Variants in SH2D4A observed in about 807,000 individuals in gnomAD.
SH2D4A encodes SH2 domain containing 4A.
SH2D4A carries 70 observed loss-of-function variants against 64.7 expected under a neutral mutation model. The ratio of observed to expected loss-of-function variants is 1.08; its 90% confidence interval spans 0.89 to 1.32. The LOEUF (loss-of-function observed/expected upper bound fraction) is 1.32, where lower values mean the gene tolerates loss of function less well. Among genes scored for constraint, SH2D4A ranks in the 40% most tolerant of loss-of-function variants. The probability of loss-of-function intolerance (pLI) is 0.00; values close to 1 mark genes in which losing one functional copy is unlikely to be tolerated. For missense variants in SH2D4A, 706 were observed against 540.1 expected, an observed-to-expected ratio of 1.31 and a Z score of -3.04; for synonymous variants, 268 against 200.7, an observed-to-expected ratio of 1.34 and a Z score of -2.83.
chr8:19,325,378 A>G (rs1310460407), intron 2 of SH2D4A, among the ~76,000 whole-genome samples: 1 of 152,218 alleles, frequency 6.6e-6, no homozygotes, highest in Non-Finnish European at 1.5e-5. Context: ...ATTGTTACAA[A>G]TAAGGAAACA....
chr8:19,364,205 GCAGAAAC>G lies in SH2D4A; in HGVS notation c.847_853del (p.Pro283AspfsTer11). On this transcript the variant is annotated frameshift_variant, in exon 7 of 10. Transcript: ENST00000265807. LOFTEE classifies it high-confidence loss of function. ...GGCTGCAAAGCCCCTTGCGTGTTCC[GCAGAAAC>G]CAGAAAGACCTCCCCTTCCACCCAA... 6.2e-7 allele frequency: 1 copy of G among 1,614,156 alleles called. No individual in the cohort carries two copies. The highest frequency in any genetic ancestry group is 2.2e-5 in the East Asian group (1 of 44,874).
At chr8:19,374,925 T>C (rs1050464056) in intron 8 of SH2D4A, among the ~76,000 whole-genome samples, 2 of 152,224 alleles carry the variant, frequency 1.3e-5, no homozygotes, top group Non-Finnish European at 2.9e-5. Flanking sequence ...TTGTAGTTTC[T>C]GTATCTTTGG....
At chr8:19,350,808 TA>T (rs2052691160) in intron 4 of SH2D4A, among the ~76,000 whole-genome samples, 1 of 152,194 alleles carries the variant, frequency 6.6e-6, no homozygotes, top group Non-Finnish European at 1.5e-5. Context: ...ACATGTGCCA[TA>T]AAATCTCACA....
At chr8:19,373,446 A>ATATG (rs2053140435) in intron 7 of SH2D4A, 84 bp from the exon 8 acceptor site, 6 of 389,394 alleles carry the variant, frequency 1.5e-5, no homozygotes, top group Admixed American at 5.1e-5. Flanking sequence ...GTGTGTGTGT[A>ATATG]TATATATATA....
At chr8:19,351,913 A>G (rs1006838810) in intron 4 of SH2D4A, among the ~76,000 whole-genome samples, 2 of 152,018 alleles carry the variant, frequency 1.3e-5, no homozygotes, top group Admixed American at 1.3e-4. Flanking sequence ...CCTCCTGAGT[A>G]GCTGCGATTA....
intron 7 of SH2D4A, among the ~76,000 whole-genome samples, chr8:19,367,967 C>G (rs1296773596): frequency 6.6e-6 from 1 of 152,024 alleles, no homozygotes; most frequent in Non-Finnish European, 1.5e-5. Flanking sequence ...AAGTGTTTCC[C>G]CAGTATTTTC....
At chr8:19,323,222 A>G (rs1585144679) in intron 2 of SH2D4A, among the ~76,000 whole-genome samples, 1 of 152,040 alleles carries the variant, frequency 6.6e-6, no homozygotes, top group Admixed American at 6.6e-5. Flanking sequence ...GCTAGTCTGG[A>G]TTGAGGTGTG....
chr8:19,331,097 C>G (rs1221962370), intron 2 of SH2D4A, among the ~76,000 whole-genome samples: 1 of 152,154 alleles, frequency 6.6e-6, no homozygotes, highest in Non-Finnish European at 1.5e-5. Flanking sequence ...CCCAGCGTCT[C>G]TGTTTAGAAC....
chr8:19,334,601 A>C (rs1395070221), intron 3 of SH2D4A, 85 bp from the exon 4 acceptor site: 64 of 1,435,618 alleles, frequency 4.5e-5, no homozygotes, highest in Non-Finnish European at 5.7e-5. Flanking sequence ...TGTTTTTCAC[A>C]TAATTTGAAT....
At chr8:19,349,535 A>T (rs947170036) in intron 4 of SH2D4A, among the ~76,000 whole-genome samples, 3 of 152,180 alleles carry the variant, frequency 2.0e-5, no homozygotes, top group African/African-American at 7.2e-5. Flanking sequence ...TCACTTATTG[A>T]ACTCATTAAA....
Position 19,364,040 on chromosome 8 carries a change from G to T in SH2D4A, c.707-32G>T, listed in dbSNP as rs746851519. 1.8e-5 allele frequency: 29 copies of T among 1,610,302 alleles called. No homozygotes were observed. The South Asian group carries it at 3.2e-4, about 18-fold the overall frequency. On this transcript the variant is annotated intron_variant, in intron 6 of 9. Transcript: ENST00000265807. ...CTTCTCACCTGCTCTGTGGGCTGAT[G>T]AGGGTTTTCTCCGACCCCGTTGTTT...
rs1316071192 is a variant in SH2D4A at position 19,395,467 on chromosome 8, C to T, written c.*825C>T. ...TATATGGTGAAGTCTTAACCCCCAT[C>T]CCCGTGAATGGGACCTTGTTTGGAA... On this transcript the variant is annotated 3_prime_UTR_variant, in exon 10 of 10. Coordinates refer to ENST00000265807, the MANE Select transcript of SH2D4A (RefSeq NM_022071.4). 2 of 152,210 alleles carry T rather than the reference C, an allele frequency of 1.3e-5. No individual in the cohort carries two copies. The highest frequency in any genetic ancestry group is 2.9e-5 in the Non-Finnish European group (2 of 68,090). The allele number at this position is 152,210 out of a possible 1,614,324, so 9.4% of individuals were successfully genotyped here. A position where few individuals can be genotyped will look rare whatever the true frequency, so the allele number is the denominator to read the frequency against.
chr8:19,379,506 T>C (rs904619424), intron 8 of SH2D4A, among the ~76,000 whole-genome samples: 3 of 152,232 alleles, frequency 2.0e-5, no homozygotes, highest in African/African-American at 4.8e-5. Context: ...TTCCAGACTC[T>C]GCTTTCAGTT....
chr8:19,327,539 G>C (rs1411515063), intron 2 of SH2D4A, among the ~76,000 whole-genome samples: 1 of 152,074 alleles, frequency 6.6e-6, no homozygotes, highest in Non-Finnish European at 1.5e-5. Context: ...TCAACTCCTT[G>C]TCAATGCTTT....
chr8:19,361,919 T>C (rs73601139), intron 6 of SH2D4A, among the ~76,000 whole-genome samples: 3,917 of 152,252 alleles, frequency 0.026, 151 homozygotes, highest in African/African-American at 0.089. Context: ...TGACCCAGCC[T>C]TGACTCCTAT....
chr8:19,330,205 G>A (rs185579964), intron 2 of SH2D4A, among the ~76,000 whole-genome samples: 11 of 152,094 alleles, frequency 7.2e-5, no homozygotes, highest in African/African-American at 2.7e-4. Context: ...ATGTGAAGCC[G>A]AGGGTATCCC....
At chr8:19,363,867 C>G in intron 6 of SH2D4A, 2 of 585,292 alleles carry the variant, frequency 3.4e-6, no homozygotes, top group Middle Eastern at 4.6e-4. Context: ...ACCCCCAGTC[C>G]TGTATGAAGA....
intron 8 of SH2D4A, among the ~76,000 whole-genome samples, chr8:19,382,175 G>A (rs185762725): frequency 8.7e-4 from 132 of 152,186 alleles, no homozygotes; most frequent in African/African-American, 3.1e-3. Context: ...TTTCTTGCAT[G>A]GCAGGTTTAG....
intron 7 of SH2D4A, among the ~76,000 whole-genome samples, chr8:19,370,623 G>A (rs2053079314): frequency 6.6e-6 from 1 of 151,936 alleles, no homozygotes; most frequent in Non-Finnish European, 1.5e-5. Flanking sequence ...GACTATGCAT[G>A]TCCTTACAGG....
Sources: gnomAD v4.1 joint callset for allele counts (sites outside exome capture counted in the v4.1 genomes callset) on GRCh38, gnomAD v4.1.1 for gene constraint, MANE v1.5 for transcripts, NCBI Gene and HGNC (gene_info 2026-07-23, HGNC 2026-07-21) for gene names.